PCDHA7: variants seen among roughly 807,000 people sequenced by gnomAD.
The protein encoded by PCDHA7 is protocadherin alpha 7.
In PCDHA7, 37 loss-of-function variants were observed where a neutral mutation model predicts 57.2. That is an observed-to-expected ratio of 0.65 (90% CI 0.50 to 0.85). The LOEUF is 0.85. Ranked by LOEUF, PCDHA7 falls within the 40% of genes least tolerant of loss-of-function variation. The pLI is 0.00. For missense variants in PCDHA7, 1,188 were observed against 1,241.8 expected, an observed-to-expected ratio of 0.96 and a Z score of 0.65; for synonymous variants, 553 against 558.8, an observed-to-expected ratio of 0.99 and a Z score of 0.15.
chr5:140,907,239 C>A (rs1447900433), intron 1 of PCDHA7, among the ~76,000 whole-genome samples: 1 of 152,200 alleles, frequency 6.6e-6, no homozygotes, highest in African/African-American at 2.4e-5. Flanking sequence ...ACCTAGTTGA[C>A]ATTGTAATTG....
chr5:140,857,100 T>G (rs782765383), intron 1 of PCDHA7: 1 of 1,597,740 alleles, frequency 6.3e-7, no homozygotes. Context: ...GAGGTGATTG[T>G]CACTTCTCTG....
intron 1 of PCDHA7, chr5:140,884,024 G>T: frequency 1.2e-6 from 2 of 1,613,318 alleles, no homozygotes; most frequent in South Asian, 2.2e-5. Flanking sequence ...GCGGTCGGTG[G>T]GTGCAGGCCA....
chr5:140,893,667 A>C (rs564806011), intron 1 of PCDHA7, among the ~76,000 whole-genome samples: 4 of 152,316 alleles, frequency 2.6e-5, no homozygotes, highest in African/African-American at 9.6e-5. Flanking sequence ...AAAAAATTTC[A>C]GCACTTTGGA....
In PCDHA7 at chr5:140,876,702, C is replaced by A. The variant is rs1554168805; in HGVS notation, c.2355+39964C>A. 6.2e-7 allele frequency: 1 copy of A among 1,614,242 alleles called. No homozygotes were observed. Among genetic ancestry groups the A allele is most frequent in the Admixed American group, 1.7e-5 (1 of 60,028 alleles). The stretch of plus-strand genomic sequence containing the variant: ...AGAATTACTACTCGTTGGTGCTGGA[C>A]AGCGCCCTGGACCGCGAGAGCGTGT... On this transcript the variant is annotated intron_variant, in intron 1 of 3. Coordinates refer to ENST00000525929, the MANE Select transcript of PCDHA7 (RefSeq NM_018910.3).
chr5:140,976,287 AAGCCTGTAATCCC>A (rs1253731489), intron 1 of PCDHA7, among the ~76,000 whole-genome samples: 3 of 152,196 alleles, frequency 2.0e-5, no homozygotes, highest in Admixed American at 6.5e-5. Flanking sequence ...ACAGTGGCTC[AAGCCTGTAATCCC>A]AGCACTTTGG....
In PCDHA7 at chr5:140,978,974, G is replaced by A. The variant is rs150254638; in HGVS notation, c.2381G>A (p.Arg794His). The A allele has an allele frequency of 2.1e-3, 3,356 of 1,614,130 alleles. 1 individual carries two copies. The highest frequency in any genetic ancestry group is 2.7e-3 in the Non-Finnish European group (3,158 of 1,180,020). The change falls in exon 2 of 4, where the codon CGT becomes CAT. Residue 794 changes from arginine (R) to histidine (H), a missense_variant. Around this residue, in one of 3 missense-constraint regions of PCDHA7, gnomAD observed 892 missense variants for 788.5 expected, o/e 1.13. Coordinates refer to ENST00000525929, the MANE Select transcript of PCDHA7 (RefSeq NM_018910.3). ...DNPRQPNPDW[R>H]YSASLRAGMH... is the part of the protein sequence containing the mutation. ...CCACGACAGCCCAACCCTGACTGGC[G>A]TTACTCTGCCTCCCTGAGAGCAGGC...
Position 140,866,315 on chromosome 5 carries a change from A to C in PCDHA7, c.2355+29577A>C, listed in dbSNP as rs529442584. On this transcript the variant is annotated intron_variant, in intron 1 of 3. Transcript: ENST00000525929. ...GTATAGATGTTGATATTATTATTTC[A>C]GGGACCCTGAACTTGGCCAAAGGAT... The C allele has an allele frequency of 2.6e-5, 4 of 152,278 alleles. No individual in the cohort carries two copies. The East Asian group carries it at 7.7e-4, about 29-fold the overall frequency. 9.4% of individuals were successfully genotyped at this position (152,278 alleles called of 1,614,324 possible).
At chr5:140,871,654 A>G in intron 1 of PCDHA7, 3 of 1,238,202 alleles carry the variant, frequency 2.4e-6, no homozygotes, top group East Asian at 2.6e-5. Context: ...CAAATGATAC[A>G]CATCTTCAGT....
rs1562356930 is a variant in PCDHA7, at chr5:140,836,340, G to A, written c.1957G>A (p.Asp653Asn). ...CCACCGCCTTCTGGTGCTTGTGAAG[G>A]ACCACGGGGAGCCCTCGCTGACAGC... ...PRHRLLVLVK[D>N]HGEPSLTATA... is the part of the protein sequence containing the mutation. The change falls in exon 1 of 4, where the codon GAC (aspartate) becomes AAC (asparagine). Residue 653 changes from aspartate (D) to asparagine (N), a missense_variant. By Grantham distance (23) the Asp-to-Asn change is conservative. Transcript: ENST00000525929. 9.3e-6 allele frequency: 15 copies of A among 1,613,706 alleles called. 1 individual carries two copies. Among genetic ancestry groups the A allele is most frequent in the Non-Finnish European group, 1.3e-5 (15 of 1,179,826 alleles).
chr5:140,985,170 C>T (rs1465909141), intron 3 of PCDHA7, among the ~76,000 whole-genome samples: 12 of 152,168 alleles, frequency 7.9e-5, no homozygotes, highest in African/African-American at 2.9e-4. Flanking sequence ...ATCTCCTGAC[C>T]TCGTAATCCG....
chr5:140,921,925 G>A (rs895157006), intron 1 of PCDHA7, among the ~76,000 whole-genome samples: 2 of 151,816 alleles, frequency 1.3e-5, no homozygotes, highest in African/African-American at 4.8e-5. Flanking sequence ...AAAACTTATA[G>A]TCAATATAAT....
At chr5:140,851,638 T>G in intron 1 of PCDHA7, 1 of 915,858 alleles carries the variant, frequency 1.1e-6, no homozygotes, top group Non-Finnish European at 1.3e-6. Context: ...AAGTGTTTCC[T>G]TTCTTCAAGA....
chr5:140,927,980 G>A, intron 1 of PCDHA7: 2 of 1,614,220 alleles, frequency 1.2e-6, no homozygotes, highest in Non-Finnish European at 1.7e-6. Flanking sequence ...GCTCTCTTTA[G>A]TGTAAAGGAT....
chr5:140,874,192 T>C (rs1263028873), intron 1 of PCDHA7, among the ~76,000 whole-genome samples: 4 of 152,224 alleles, frequency 2.6e-5, no homozygotes, highest in African/African-American at 9.6e-5. Flanking sequence ...GGTGTCATAT[T>C]TCAGTTGCCT....
At chr5:140,930,962 T>A (rs1193722929) in intron 1 of PCDHA7, among the ~76,000 whole-genome samples, 2 of 152,184 alleles carry the variant, frequency 1.3e-5, no homozygotes, top group African/African-American at 4.8e-5. Flanking sequence ...AAATGTACTG[T>A]TTCAATGATT....
In PCDHA7 at chr5:140,834,300, C is replaced by A. The variant is rs111598234; in HGVS notation, c.-84C>A. 3,027 of 1,283,790 alleles carry A rather than the reference C, an allele frequency of 2.4e-3. 46 individuals carry two copies. The African/African-American group carries it at 0.039, about 17-fold the overall frequency. 79.5% of individuals were successfully genotyped at this position (1,283,790 alleles called of 1,614,324 possible). On this transcript the variant is annotated 5_prime_UTR_variant, in exon 1 of 4. An upstream open reading frame in the 5' UTR gains an earlier in-frame stop. Transcript: ENST00000525929. ...TGGATGCACAACAATGGCCACACATCGAGATTGAAATGAAGGGATAAAAAC... is the reference window on the plus strand; with the variant it reads ...TGGATGCACAACAATGGCCACACATAGAGATTGAAATGAAGGGATAAAAAC...
chr5:140,952,724 C>G (rs1481919445), intron 1 of PCDHA7, among the ~76,000 whole-genome samples: 1 of 152,100 alleles, frequency 6.6e-6, no homozygotes, highest in Non-Finnish European at 1.5e-5. Context: ...ATTTTCTGTA[C>G]TAGTCTTTTC....
At position 140,835,969 on chromosome 5, in the gene PCDHA7, A is replaced by G; in HGVS notation, c.1586A>G (p.Glu529Gly). 6.2e-7 allele frequency: 1 copy of G among 1,613,162 alleles called. No homozygotes were observed. The highest frequency in any genetic ancestry group is 1.7e-5 in the Admixed American group (1 of 60,006). Residue 529 changes from glutamate to glycine, a missense_variant, in exon 1 of 4, where the codon GAG becomes GGG. Physicochemically the swap from Glu to Gly is moderately conservative, Grantham distance 98. This residue lies in a region of PCDHA7 where 892 missense variants were observed against 788.5 expected (regional missense o/e 1.13). Transcript: ENST00000525929. ...CAGCCGTTGGACCACGAGGAGCTGG[A>G]GCTGTTGCAGTTCCAGGTGAGCGCG... is the stretch of plus-strand genomic sequence containing the variant. ...ALQPLDHEEL[E>G]LLQFQVSARD...
intron 1 of PCDHA7, among the ~76,000 whole-genome samples, chr5:140,873,864 T>C (rs1275090016): frequency 6.6e-6 from 1 of 152,210 alleles, no homozygotes; most frequent in African/African-American, 2.4e-5. Context: ...TTTCACCATG[T>C]TGGCCAGGCT....
Sources: allele counts gnomAD v4.1 joint callset (sites outside exome capture counted in the v4.1 genomes callset), GRCh38; gene constraint gnomAD v4.1.1; regional missense constraint gnomAD v4.1.1; transcripts MANE v1.5; gene names NCBI Gene and HGNC (gene_info 2026-07-23, HGNC 2026-07-21).